Variants in LYZL2 observed in about 807,000 individuals in gnomAD.
LYZL2 encodes lysozyme like 2, also known as lysozyme-like protein 2.
In LYZL2, 13 loss-of-function variants were observed where a neutral mutation model predicts 17.1. That is an observed-to-expected ratio of 0.76 (90% CI 0.49 to 1.21). LYZL2 has a LOEUF of 1.21. Ranked by LOEUF, LYZL2 falls within the 50% of genes most tolerant of loss-of-function variation. The probability of loss-of-function intolerance (pLI) is 0.00; values close to 1 mark genes in which losing one functional copy is unlikely to be tolerated. For missense variants in LYZL2, 166 were observed against 189.2 expected (o/e 0.88, Z 0.72); for synonymous variants, 63 against 74.4 (o/e 0.85, Z 0.79).
At chr10:30,612,075 A>G (rs375312741) in intron 4 of LYZL2, 51 bp from the exon 5 acceptor site, 3 of 1,599,168 alleles carry the variant, frequency 1.9e-6, no homozygotes, top group Non-Finnish European at 2.6e-6. Flanking sequence ...GACAATCCAA[A>G]CCGTCTCAGT....
intron 3 of LYZL2, among the ~76,000 whole-genome samples, chr10:30,615,706 G>A (rs1236173377): frequency 6.6e-6 from 1 of 151,832 alleles, no homozygotes; most frequent in Non-Finnish European, 1.5e-5. Context: ...CAATAAAGCT[G>A]GGAAAAATAT....
intron 3 of LYZL2, among the ~76,000 whole-genome samples, chr10:30,625,035 C>T (rs1239445190): frequency 6.6e-6 from 1 of 152,156 alleles, no homozygotes; most frequent in Non-Finnish European, 1.5e-5. Flanking sequence ...CAACAAGGAT[C>T]TCAGTTCGAC....
chr10:30,614,262 C>A lies in LYZL2; in HGVS notation c.299-1362G>T, dbSNP rs1445101727. On this transcript the variant is annotated intron_variant, in intron 3 of 4. Transcript: ENST00000647634. Reference sequence around the variant, plus strand: ...AATCCACACCTATGAAAGGAATCGGCTGGGGGGAAGCAGGATGGGCAGACG... The same window carrying A: ...AATCCACACCTATGAAAGGAATCGGATGGGGGGAAGCAGGATGGGCAGACG... 2.0e-5 allele frequency among the ~76,000 whole-genome samples: 3 copies of A among 152,216 alleles called. No individual in the cohort carries two copies. The East Asian group carries it at 5.8e-4, about 29-fold the overall frequency.
chr10:30,628,169 A>T (rs1481311141), intron 1 of LYZL2, among the ~76,000 whole-genome samples: 1 of 152,194 alleles, frequency 6.6e-6, no homozygotes, highest in Non-Finnish European at 1.5e-5. Flanking sequence ...CAAAAAAAAA[A>T]AGATTCATCG....
At chr10:30,622,409 C>T (rs533334160) in intron 3 of LYZL2, among the ~76,000 whole-genome samples, 11 of 152,016 alleles carry the variant, frequency 7.2e-5, no homozygotes, top group African/African-American at 2.2e-4. Context: ...ATTAGCTGGG[C>T]GTGGTGGCAT....
At chr10:30,619,704 C>T (rs1044370202) in intron 3 of LYZL2, among the ~76,000 whole-genome samples, 1 of 151,718 alleles carries the variant, frequency 6.6e-6, no homozygotes, top group African/African-American at 2.4e-5. Context: ...GGAGGGATAG[C>T]ATTAGGAGAT....
chr10:30,614,322 A>G (rs1035669869), intron 3 of LYZL2, among the ~76,000 whole-genome samples: 2 of 152,204 alleles, frequency 1.3e-5, no homozygotes, highest in African/African-American at 2.4e-5. Flanking sequence ...CCAGCAATTC[A>G]TTGGGCAGCC....
intron 3 of LYZL2, among the ~76,000 whole-genome samples, chr10:30,614,401 A>C (rs112338091): frequency 0.11 from 17,343 of 152,242 alleles, 1,062 homozygotes; most frequent in South Asian, 0.18. Flanking sequence ...GCCAGGTCTG[A>C]ATGCCTCTGC....
At chr10:30,628,142 AGAGC>A (rs1051485103) in intron 1 of LYZL2, among the ~76,000 whole-genome samples, 4 of 152,034 alleles carry the variant, frequency 2.6e-5, no homozygotes, top group African/African-American at 9.7e-5. Flanking sequence ...CCTGGGCGAC[AGAGC>A]GAGACTCCGC....
At chr10:30,614,447 G>A (rs1375423315) in intron 3 of LYZL2, among the ~76,000 whole-genome samples, 1 of 152,302 alleles carries the variant, frequency 6.6e-6, no homozygotes, top group South Asian at 2.1e-4. Context: ...CCCCGGAAGG[G>A]AGCAACCTGC....
chr10:30,629,526 C>T (rs1838772297), intron 1 of LYZL2, 67 bp downstream of exon 1: 2 of 1,549,086 alleles, frequency 1.3e-6, no homozygotes, highest in Admixed American at 1.8e-5. Flanking sequence ...TGTTCTACAT[C>T]CTTCAAGAAC....
At chr10:30,620,429 G>A (rs1838602409) in intron 3 of LYZL2, among the ~76,000 whole-genome samples, 3 of 152,332 alleles carry the variant, frequency 2.0e-5, no homozygotes, top group South Asian at 2.1e-4. Context: ...CTCTCTCAGG[G>A]TGTACTGTCT....
intron 3 of LYZL2, among the ~76,000 whole-genome samples, chr10:30,624,682 G>A (rs1324179231): frequency 6.6e-6 from 1 of 152,208 alleles, no homozygotes; most frequent in Non-Finnish European, 1.5e-5. Context: ...ACAGGCATAT[G>A]CCTGGCTATT....
At chr10:30,626,382 G>A in intron 2 of LYZL2, 119 bp from the exon 3 acceptor site, 2 of 1,479,750 alleles carry the variant, frequency 1.4e-6, no homozygotes, top group Non-Finnish European at 1.8e-6. Flanking sequence ...ATACACCTTG[G>A]GCAGGGCAGG....
chr10:30,615,792 C>A (rs573393098), intron 3 of LYZL2, among the ~76,000 whole-genome samples: 16 of 152,118 alleles, frequency 1.1e-4, no homozygotes, highest in Non-Finnish European at 2.1e-4. Flanking sequence ...ATCTCAGATA[C>A]TTTATAGCCA....
rs759095549 is a variant in LYZL2, at chr10:30,626,270, G to T, written c.140-7C>A. ...TAATACGCCATGCAGATCCCTGGAG[G>T]GGGGAAAGCCAGAAACGCCAGCAAA... On this transcript the variant is annotated splice_polypyrimidine_tract_variant and splice_region_variant and intron_variant, in intron 2 of 4. Transcript: ENST00000647634. 6 of 1,612,636 alleles carry T rather than the reference G, an allele frequency of 3.7e-6. No individual in the cohort carries two copies. In the African/African-American group the frequency reaches 4.0e-5, roughly 11 times the overall value.
downstream of LYZL2, among the ~76,000 whole-genome samples, chr10:30,611,616 A>AAAGAAAGG (rs1838441964): frequency 1.5e-5 from 2 of 133,546 alleles, no homozygotes; most frequent in African/African-American, 2.8e-5. Flanking sequence ...AGAAAGAAAG[A>AAAGAAAGG]GAAAGAAAGA....
At chr10:30,614,840 T>G (rs1224357158) in intron 3 of LYZL2, among the ~76,000 whole-genome samples, 2 of 152,180 alleles carry the variant, frequency 1.3e-5, no homozygotes, top group African/African-American at 4.8e-5. Context: ...CCTAAGGAAA[T>G]AGTCATGACA....
intron 3 of LYZL2, among the ~76,000 whole-genome samples, chr10:30,622,993 A>G (rs1053410171): frequency 1.3e-5 from 2 of 152,252 alleles, no homozygotes; most frequent in African/African-American, 4.8e-5. Flanking sequence ...AAAGAAAGCG[A>G]GAGTGGGCTA....
Sources: gnomAD v4.1 joint callset for allele counts (sites outside exome capture counted in the v4.1 genomes callset) on GRCh38, gnomAD v4.1.1 for gene constraint, MANE v1.5 for transcripts, NCBI Gene and HGNC (gene_info 2026-07-23, HGNC 2026-07-21) for gene names.